Variants in PLCB1 observed in about 807,000 individuals in gnomAD.
PLCB1 encodes the protein phospholipase C beta 1, also known as 1-phosphatidylinositol 4,5-bisphosphate phosphodiesterase beta-1.
PLCB1 carries 46 observed loss-of-function variants against 161.8 expected under a neutral mutation model. That is an observed-to-expected ratio of 0.28 (90% CI 0.22 to 0.36). PLCB1 has a LOEUF of 0.36. Among genes scored for constraint, PLCB1 ranks in the 10% least tolerant of loss-of-function variants. PLCB1 has a pLI of 1.00. For missense variants in PLCB1, 1,016 were observed against 1,472.5 expected (o/e 0.69, Z 5.07); for synonymous variants, 517 against 503.7 (o/e 1.03, Z -0.35).
chr20:8,294,869 C>T (rs1418600908), intron 2 of PLCB1, among the ~76,000 whole-genome samples: 1 of 151,870 alleles, frequency 6.6e-6, no homozygotes, highest in Non-Finnish European at 1.5e-5. Context: ...ATAATGTCAA[C>T]TTAAATGACC....
intron 2 of PLCB1, among the ~76,000 whole-genome samples, chr20:8,276,980 CTTCTTCTTA>C (rs1459657431): frequency 0.011 from 1,055 of 96,608 alleles, 8 homozygotes; most frequent in Non-Finnish European, 0.014. Flanking sequence ...TCTTCTTCTT[CTTCTTCTTA>C]TTATTATTAT....
intron 3 of PLCB1, among the ~76,000 whole-genome samples, chr20:8,530,455 T>G (rs1032199178): frequency 2.0e-5 from 3 of 152,104 alleles, no homozygotes; most frequent in African/African-American, 7.2e-5. Flanking sequence ...GATCCATGAA[T>G]TGTTTAGAAG....
intron 2 of PLCB1, among the ~76,000 whole-genome samples, chr20:8,265,540 A>C (rs1319724421): frequency 1.7e-5 from 2 of 119,424 alleles, no homozygotes; most frequent in Non-Finnish European, 3.4e-5. Flanking sequence ...TTATGCTTTG[A>C]AAAAAATATT....
At chr20:8,488,181 TA>T (rs1487824161) in intron 3 of PLCB1, among the ~76,000 whole-genome samples, 2 of 152,202 alleles carry the variant, frequency 1.3e-5, no homozygotes, top group Non-Finnish European at 2.9e-5. Context: ...ACAGAGCAAT[TA>T]AGTTTTAAAT....
intron 31 of PLCB1, among the ~76,000 whole-genome samples, chr20:8,801,516 C>G (rs984004850): frequency 1.3e-5 from 2 of 152,208 alleles, no homozygotes; most frequent in Admixed American, 1.3e-4. Context: ...TTCCCTGACG[C>G]TCTTGAGTTC....
intron 3 of PLCB1, among the ~76,000 whole-genome samples, chr20:8,621,103 G>T (rs1245170661): frequency 6.6e-6 from 1 of 152,140 alleles, no homozygotes; most frequent in South Asian, 2.1e-4. Flanking sequence ...TAACAAACAG[G>T]CGTCATTATG....
intron 2 of PLCB1, among the ~76,000 whole-genome samples, chr20:8,162,774 C>T (rs912669651): frequency 6.6e-6 from 1 of 152,182 alleles, no homozygotes; most frequent in South Asian, 2.1e-4. Context: ...GAGCTAGTTG[C>T]TATGCTAAGA....
At chr20:8,502,729 C>G (rs1983475142) in intron 3 of PLCB1, among the ~76,000 whole-genome samples, 1 of 152,118 alleles carries the variant, frequency 6.6e-6, no homozygotes, top group Admixed American at 6.6e-5. Flanking sequence ...TGCACCTTTG[C>G]AGAATTCTTC....
chr20:8,794,173 A>G (rs1317597638), intron 31 of PLCB1, among the ~76,000 whole-genome samples: 1 of 152,122 alleles, frequency 6.6e-6, no homozygotes, highest in Admixed American at 6.5e-5. Context: ...TTGTGCAGTT[A>G]ATGCAATTAT....
chr20:8,351,758 CA>C (rs1247407223), intron 2 of PLCB1, among the ~76,000 whole-genome samples: 1 of 151,936 alleles, frequency 6.6e-6, no homozygotes, highest in Non-Finnish European at 1.5e-5. Flanking sequence ...CATCATTTGT[CA>C]TAAAGGAAAT....
At chr20:8,312,579 G>A (rs1227525130) in intron 2 of PLCB1, among the ~76,000 whole-genome samples, 1 of 152,074 alleles carries the variant, frequency 6.6e-6, no homozygotes, top group East Asian at 1.9e-4. Flanking sequence ...CTTGGGTAGT[G>A]CCACTCTTCT....
chr20:8,281,532 C>A (rs1600284841), intron 2 of PLCB1, among the ~76,000 whole-genome samples: 1 of 152,012 alleles, frequency 6.6e-6, no homozygotes, highest in South Asian at 2.1e-4. Flanking sequence ...TCTTTACACA[C>A]TAAAGAACAA....
At chr20:8,333,269 T>C (rs1179525961) in intron 2 of PLCB1, among the ~76,000 whole-genome samples, 1 of 152,170 alleles carries the variant, frequency 6.6e-6, no homozygotes, top group Non-Finnish European at 1.5e-5. Flanking sequence ...GATTTTCACA[T>C]GAGTAAGGAT....
intron 3 of PLCB1, among the ~76,000 whole-genome samples, chr20:8,623,025 C>T (rs2123203068): frequency 6.6e-6 from 1 of 152,298 alleles, no homozygotes; most frequent in South Asian, 2.1e-4. Context: ...ATCCCATTTT[C>T]TGCTTCTTCT....
chr20:8,494,686 C>T (rs763594917), intron 3 of PLCB1, among the ~76,000 whole-genome samples: 19 of 152,118 alleles, frequency 1.2e-4, no homozygotes, highest in Non-Finnish European at 1.8e-4. Flanking sequence ...TCTTCTTGCT[C>T]AGAAAGTTTC....
chr20:8,484,119 G>A (rs1489950440), intron 3 of PLCB1, among the ~76,000 whole-genome samples: 1 of 152,110 alleles, frequency 6.6e-6, no homozygotes, highest in Non-Finnish European at 1.5e-5. Context: ...TCAGCCTCAC[G>A]GGTTCAAACA....
intron 3 of PLCB1, among the ~76,000 whole-genome samples, chr20:8,429,847 C>A (rs1979958527): frequency 1.3e-5 from 2 of 151,936 alleles, no homozygotes; most frequent in African/African-American, 2.4e-5. Flanking sequence ...TATTAATAAA[C>A]CCTCAAAGAT....
intron 3 of PLCB1, among the ~76,000 whole-genome samples, chr20:8,442,092 C>A (rs1404779360): frequency 1.3e-5 from 2 of 152,206 alleles, no homozygotes; most frequent in African/African-American, 4.8e-5. Flanking sequence ...CATGTGTTTT[C>A]AAGACATGGC....
At chr20:8,541,862 C>T (rs1237692106) in intron 3 of PLCB1, among the ~76,000 whole-genome samples, 6 of 152,150 alleles carry the variant, frequency 3.9e-5, no homozygotes, top group Non-Finnish European at 8.8e-5. Flanking sequence ...TCAAACTTCC[C>T]TCCCTTTTGC....
Sources: allele counts gnomAD v4.1 joint callset (sites outside exome capture counted in the v4.1 genomes callset), GRCh38; gene constraint gnomAD v4.1.1; transcripts MANE v1.5; gene names NCBI Gene and HGNC (gene_info 2026-07-23, HGNC 2026-07-21).